The following OTUD7B variants were observed in gnomAD, a reference collection of about 807,000 sequenced individuals.
OTUD7B encodes OTU deubiquitinase 7B, also known as OTU domain-containing protein 7B.
In OTUD7B, 34 loss-of-function variants were observed where a neutral mutation model predicts 82.2. That is an observed-to-expected ratio of 0.41 (90% CI 0.31 to 0.55). The LOEUF is 0.55. Ranked by LOEUF, OTUD7B falls within the 20% of genes least tolerant of loss-of-function variation. The pLI is 0.20. For synonymous variants in OTUD7B, 398 were observed against 402.7 expected, an observed-to-expected ratio of 0.99 and a Z score of 0.14; for missense variants, 944 against 1,062.1, an observed-to-expected ratio of 0.89 and a Z score of 1.55.
At chr1:149,945,624 G>A (rs930103598) in intron 11 of OTUD7B, among the ~76,000 whole-genome samples, 2 of 152,228 alleles carry the variant, frequency 1.3e-5, no homozygotes, top group East Asian at 1.9e-4. Context: ...CTGTGCTCCT[G>A]TTCTAACTCA....
At chr1:149,968,930 T>C (rs2101829081) in intron 3 of OTUD7B, among the ~76,000 whole-genome samples, 1 of 152,084 alleles carries the variant, frequency 6.6e-6, no homozygotes, top group South Asian at 2.1e-4. Flanking sequence ...GTCAGGCTGT[T>C]CTCCTCAAAC....
In OTUD7B at chr1:149,938,958, G is replaced by A. The variant is rs2092745600; in HGVS notation, c.*4899C>T. ...AAAAAAAAAAAAAAAAAAAAGCGGG[G>A]TGGGGGGAAATCAGGAGGAGAAAAG... On this transcript the variant is annotated 3_prime_UTR_variant, in exon 12 of 12. Transcript: ENST00000581312. 1 of 150,604 alleles carries A rather than the reference G, an allele frequency of 6.6e-6. No homozygotes were observed. Among genetic ancestry groups the A allele is most frequent in the African/African-American group, 2.5e-5 (1 of 40,644 alleles). The allele number at this position is 150,604 out of a possible 1,614,324, so 9.3% of individuals were successfully genotyped here.
At chr1:150,015,705 T>C (rs1322634544), upstream of OTUD7B, among the ~76,000 whole-genome samples, 5 of 152,048 alleles carry the variant, frequency 3.3e-5, no homozygotes, top group African/African-American at 1.2e-4. Flanking sequence ...TCTTCCTCCA[T>C]GCCTATAGAA....
At chr1:149,988,754 C>A (rs1651364208) in intron 1 of OTUD7B, among the ~76,000 whole-genome samples, 1 of 152,072 alleles carries the variant, frequency 6.6e-6, no homozygotes, top group Admixed American at 6.6e-5. Context: ...CTGTTTTATT[C>A]CTTTCAACTA....
the OTUD7B span, among the ~76,000 whole-genome samples, chr1:150,059,235 A>G: frequency 9.2e-6 from 1 of 109,266 alleles, no homozygotes; most frequent in Middle Eastern, 7.8e-3. Context: ...TGTAGTTTTT[A>G]CTAGAGACAG....
At chr1:149,947,587 T>C (rs1168285629) in intron 10 of OTUD7B, among the ~76,000 whole-genome samples, 4 of 152,010 alleles carry the variant, frequency 2.6e-5, no homozygotes, top group Non-Finnish European at 5.9e-5. Context: ...ATTAAAACAG[T>C]GTTTGGAAAG....
At chr1:149,999,681 T>C (rs968262097) in intron 1 of OTUD7B, among the ~76,000 whole-genome samples, 1 of 152,168 alleles carries the variant, frequency 6.6e-6, no homozygotes, top group African/African-American at 2.4e-5. Context: ...CTGGGCAACA[T>C]AGTGAGACCC....
chr1:149,978,978 A>G (rs1650516905), intron 1 of OTUD7B, among the ~76,000 whole-genome samples: 1 of 152,034 alleles, frequency 6.6e-6, no homozygotes, highest in African/African-American at 2.4e-5. Flanking sequence ...TTTGTGGGTT[A>G]TAAAACCAGC....
the OTUD7B span, among the ~76,000 whole-genome samples, chr1:150,027,380 G>T: frequency 7.2e-5 from 11 of 152,288 alleles, no homozygotes; most frequent in African/African-American, 2.6e-4. Flanking sequence ...GACGTTAGGA[G>T]TTTGAGACCA....
chr1:149,942,046 G>A lies in OTUD7B; in HGVS notation c.*1811C>T, dbSNP rs1203973677. ...GGAGAAAATAACCTTTATAAACCGT[G>A]AGCATTTCCAACAAGGACAATCTTG... On this transcript the variant is annotated 3_prime_UTR_variant, in exon 12 of 12. Coordinates refer to ENST00000581312, the MANE Select transcript of OTUD7B (RefSeq NM_020205.4). The A allele has an allele frequency of 6.6e-6, 1 of 152,460 alleles. No individual in the cohort carries two copies. The highest frequency in any genetic ancestry group is 1.5e-5 in the Non-Finnish European group (1 of 68,046). 9.4% of individuals were successfully genotyped at this position (152,460 alleles called of 1,614,324 possible). A position where few individuals can be genotyped will look rare whatever the true frequency, so the allele number is the denominator to read the frequency against.
intron 1 of OTUD7B, 122 bp downstream of exon 1, chr1:150,010,326 G>T (rs1036685516): frequency 1.7e-4 from 26 of 152,782 alleles, no homozygotes; most frequent in African/African-American, 6.3e-4. Context: ...GGCTTCGGGT[G>T]AAACAGATTC....
At chr1:150,046,690 C>G in the OTUD7B span, among the ~76,000 whole-genome samples, 7 of 149,898 alleles carry the variant, frequency 4.7e-5, no homozygotes, top group Non-Finnish European at 7.4e-5. Flanking sequence ...ACCTCGTGAT[C>G]CACCCGCCTC....
At chr1:150,036,959 C>G in the OTUD7B span, among the ~76,000 whole-genome samples, 1 of 152,294 alleles carries the variant, frequency 6.6e-6, no homozygotes, top group Admixed American at 6.5e-5. Context: ...AAACACTCAG[C>G]TGTCTAACCC....
rs1553771732 is a variant in OTUD7B at position 149,944,928 on chromosome 1, C to T, written c.1461G>A (p.Lys487=). The change falls in exon 12 of 12, where the codon AAG becomes AAA. Residue 487 remains lysine (K), a synonymous_variant. Coordinates refer to ENST00000581312, the MANE Select transcript of OTUD7B (RefSeq NM_020205.4). ...TSNEGGRRKE[K]SKRDREKDKK... ...TGTCCTTCTCCCGATCTCGCTTTGA[C>T]TTCTCCTTCCGCCGGCCGCCCTCGT... The T allele has an allele frequency of 6.2e-7, 1 of 1,614,220 alleles. No individual in the cohort carries two copies. Among genetic ancestry groups the T allele is most frequent in the Non-Finnish European group, 8.5e-7 (1 of 1,180,050 alleles).
At chr1:150,008,571 C>T (rs1253984927) in intron 1 of OTUD7B, among the ~76,000 whole-genome samples, 7 of 152,010 alleles carry the variant, frequency 4.6e-5, no homozygotes, top group Non-Finnish European at 7.4e-5. Flanking sequence ...CATTTTTTTC[C>T]GAGGGAGTCT....
the OTUD7B span, chr1:150,054,534 A>AT: frequency 2.2e-6 from 1 of 456,286 alleles, no homozygotes; most frequent in Non-Finnish European, 4.3e-6. Context: ...CAGGCAGGGC[A>AT]TGGTGACTCA....
the OTUD7B span, chr1:150,047,778 C>T: frequency 2.0e-5 from 3 of 152,034 alleles, no homozygotes; most frequent in African/African-American, 7.3e-5. Context: ...ATGGTGAAAC[C>T]ACATCTCTAC....
At chr1:149,947,604 GCA>G (rs1553772455) in intron 10 of OTUD7B, among the ~76,000 whole-genome samples, 1 of 152,124 alleles carries the variant, frequency 6.6e-6, no homozygotes. Context: ...AAAGAGCCCA[GCA>G]CAGTGTCTGG....
At chr1:149,994,107 C>G (rs2101907965) in intron 1 of OTUD7B, among the ~76,000 whole-genome samples, 1 of 152,178 alleles carries the variant, frequency 6.6e-6, no homozygotes, top group East Asian at 1.9e-4. Context: ...AGAAACCAAC[C>G]CTTCTAAGAG....
Sources: allele counts gnomAD v4.1 joint callset (sites outside exome capture counted in the v4.1 genomes callset), GRCh38; gene constraint gnomAD v4.1.1; transcripts MANE v1.5; gene names NCBI Gene and HGNC (gene_info 2026-07-23, HGNC 2026-07-21).